ALDH1A2: variants seen among roughly 807,000 people sequenced by gnomAD.
ALDH1A2 encodes the protein aldehyde dehydrogenase 1 family member A2, also known as retinal dehydrogenase 2.
ALDH1A2 carries 27 observed loss-of-function variants against 60.3 expected under a neutral mutation model. The observed-to-expected ratio is 0.45, with a 90% confidence interval of 0.33 to 0.62. The LOEUF (loss-of-function observed/expected upper bound fraction) is 0.62, where lower values mean the gene tolerates loss of function less well. Ranked by LOEUF, ALDH1A2 falls within the 20% of genes least tolerant of loss-of-function variation. The probability of loss-of-function intolerance (pLI) is 0.02; values close to 1 mark genes in which losing one functional copy is unlikely to be tolerated. For synonymous variants in ALDH1A2, 289 were observed against 232.4 expected, an observed-to-expected ratio of 1.24 and a Z score of -2.21; for missense variants, 581 against 643.8, an observed-to-expected ratio of 0.90 and a Z score of 1.06.
intron 9 of ALDH1A2, among the ~76,000 whole-genome samples, chr15:57,962,875 T>C (rs1893773537): frequency 6.6e-6 from 1 of 152,220 alleles, no homozygotes. Flanking sequence ...ATATAAGAGC[T>C]GGTCCAGGTT....
At position 57,965,908 on chromosome 15, in the gene ALDH1A2, A is replaced by G. The variant is rs142591981; in HGVS notation, c.799-81T>C. On this transcript the variant is annotated intron_variant, in intron 7 of 12. Coordinates refer to ENST00000249750, the MANE Select transcript of ALDH1A2 (RefSeq NM_003888.4). ...CGGCCAATGCCAGCTCAGGGCATCA[A>G]TGGGATGCAACAGTAACAAACCCTA... The G allele has an allele frequency of 1.6e-3, 1,704 of 1,050,072 alleles. 1 individual carries two copies. The highest frequency in any genetic ancestry group is 2.1e-3 in the Non-Finnish European group (1,421 of 672,532). 65.0% of individuals were successfully genotyped at this position (1,050,072 alleles called of 1,614,324 possible).
At chr15:58,024,072 A>G (rs760284603) in intron 1 of ALDH1A2, among the ~76,000 whole-genome samples, 2 of 152,194 alleles carry the variant, frequency 1.3e-5, no homozygotes, top group Non-Finnish European at 2.9e-5. Flanking sequence ...CAGCCTGGGC[A>G]ACAAAAGCAA....
chr15:58,001,854 T>A (rs1895285838), intron 4 of ALDH1A2, among the ~76,000 whole-genome samples: 1 of 151,888 alleles, frequency 6.6e-6, no homozygotes, highest in South Asian at 2.1e-4. Flanking sequence ...AAGGACTGCA[T>A]TTGATGGGGA....
chr15:58,044,536 A>G (rs1467142916), intron 1 of ALDH1A2, among the ~76,000 whole-genome samples: 2 of 152,022 alleles, frequency 1.3e-5, no homozygotes, highest in African/African-American at 2.4e-5. Context: ...TCTTTCCCGA[A>G]AGCAAAATAT....
chr15:57,982,119 C>G (rs1163738633), intron 7 of ALDH1A2, among the ~76,000 whole-genome samples: 1 of 152,280 alleles, frequency 6.6e-6, no homozygotes, highest in East Asian at 1.9e-4. Context: ...TAGTGCCCAT[C>G]TCTCAACACT....
Position 57,958,214 on chromosome 15 carries a change from G to GCA in ALDH1A2, c.1484+2554_1484+2555dup, listed in dbSNP as rs113322985. Among the ~76,000 whole-genome samples the GCA allele has an allele frequency of 6.2e-4, 94 of 151,818 alleles. No individual in the cohort carries two copies. In the South Asian group the frequency reaches 9.6e-3, roughly 15 times the overall value. ...TCTGTATGCATGCGTGTACACGCACGCACACACACACATAAATTTGACAAG... is the reference window on the plus strand; with the variant it reads ...TCTGTATGCATGCGTGTACACGCACGCACACACACACACATAAATTTGACAAG... On this transcript the variant is annotated intron_variant, in intron 12 of 12. Transcript: ENST00000249750.
chr15:58,016,189 A>T (rs1324381179), intron 1 of ALDH1A2, among the ~76,000 whole-genome samples: 2 of 148,052 alleles, frequency 1.4e-5, no homozygotes, highest in African/African-American at 5.0e-5. Flanking sequence ...CACCCAGGCT[A>T]GAGTGCAGTG....
At position 57,961,238 on chromosome 15, in the gene ALDH1A2, T is replaced by C. The variant is rs557735275; in HGVS notation, c.1308A>G (p.Glu436=). 1 of 1,613,978 alleles carries C rather than the reference T, an allele frequency of 6.2e-7. No individual in the cohort carries two copies. Among genetic ancestry groups the C allele is most frequent in the Non-Finnish European group, 8.5e-7 (1 of 1,179,988 alleles). The change falls in exon 11 of 13, where the codon GAA becomes GAG. Residue 436 remains glutamate, a synonymous_variant. Transcript: ENST00000249750. ...GTCCAAAGTCTGAGTTATTGGCTCT[T>C]TCGATAACTTCATCCATCGTCTTAA... ...LRFKTMDEVI[E]RANNSDFGLV...
intron 1 of ALDH1A2, among the ~76,000 whole-genome samples, chr15:58,050,977 C>T (rs1263309309): frequency 6.6e-6 from 1 of 152,120 alleles, no homozygotes; most frequent in African/African-American, 2.4e-5. Flanking sequence ...GTGATTTCTC[C>T]ACAGGAGACT....
intron 4 of ALDH1A2, among the ~76,000 whole-genome samples, chr15:58,001,505 C>G (rs1029070473): frequency 7.2e-5 from 11 of 151,900 alleles, no homozygotes; most frequent in African/African-American, 2.7e-4. Context: ...GACTAAGCGC[C>G]TCTCTCCCTT....
chr15:57,969,219 C>T (rs758947931), intron 7 of ALDH1A2, among the ~76,000 whole-genome samples: 1 of 152,186 alleles, frequency 6.6e-6, no homozygotes, highest in African/African-American at 2.4e-5. Flanking sequence ...GCCAGGTACA[C>T]TGTTGGGCAT....
chr15:57,977,993 TTGTC>T (rs1566935412), intron 7 of ALDH1A2, among the ~76,000 whole-genome samples: 2 of 152,180 alleles, frequency 1.3e-5, no homozygotes, highest in South Asian at 2.1e-4. Flanking sequence ...ACTTGGTTGT[TTGTC>T]TATTATTGGT....
At chr15:57,980,470 G>T (rs1358054919) in intron 7 of ALDH1A2, 2 of 305,370 alleles carry the variant, frequency 6.5e-6, no homozygotes, top group Non-Finnish European at 1.4e-5. Context: ...GTATGCATAA[G>T]ATAATCCCGT....
intron 12 of ALDH1A2, 59 bp from the exon 13 acceptor site, chr15:57,955,328 G>A (rs1893483368): frequency 6.4e-7 from 1 of 1,566,098 alleles, no homozygotes; most frequent in Non-Finnish European, 8.8e-7. Flanking sequence ...GCATGTGAGT[G>A]CAGCGGGAGT....
intron 12 of ALDH1A2, among the ~76,000 whole-genome samples, chr15:57,959,771 A>G (rs1893660974): frequency 6.6e-6 from 1 of 152,116 alleles, no homozygotes; most frequent in Non-Finnish European, 1.5e-5. Context: ...GATTCTAGAA[A>G]CTGCTCTAAT....
In ALDH1A2 at chr15:57,974,389, C is replaced by T. The variant is rs376003689; in HGVS notation, c.799-8562G>A. ...CAGAGCTTGCAGTGAGCCAAGATCGCGCCACTGCACTCCAGCCTGGGTGAC... is the reference window on the plus strand; with the variant it reads ...CAGAGCTTGCAGTGAGCCAAGATCGTGCCACTGCACTCCAGCCTGGGTGAC... On this transcript the variant is annotated intron_variant, in intron 7 of 12. Coordinates refer to ENST00000249750, the MANE Select transcript of ALDH1A2 (RefSeq NM_003888.4). Among the ~76,000 whole-genome samples the T allele has an allele frequency of 2.1e-3, 308 of 145,046 alleles. 1 individual carries two copies. The highest frequency in any genetic ancestry group is 7.4e-3 in the African/African-American group (286 of 38,822).
chr15:58,039,524 G>C (rs1291519082), intron 1 of ALDH1A2, among the ~76,000 whole-genome samples: 3 of 151,770 alleles, frequency 2.0e-5, no homozygotes, highest in African/African-American at 7.2e-5. Context: ...AATTAAGGCA[G>C]GCTGAGACCA....
intron 7 of ALDH1A2, chr15:57,980,311 A>C: frequency 2.4e-6 from 1 of 416,910 alleles, no homozygotes; most frequent in Non-Finnish European, 4.9e-6. Flanking sequence ...TCCCACTCTC[A>C]AACAGGTTGT....
chr15:57,960,098 T>TCCCTG (rs752649966), intron 12 of ALDH1A2, among the ~76,000 whole-genome samples: 16 of 152,318 alleles, frequency 1.1e-4, no homozygotes, highest in Admixed American at 6.5e-4. Context: ...ATCTTCCCTA[T>TCCCTG]CCCTGAGCTC....
Sources: gnomAD v4.1 joint callset for allele counts (sites outside exome capture counted in the v4.1 genomes callset) on GRCh38, gnomAD v4.1.1 for gene constraint, MANE v1.5 for transcripts, NCBI Gene and HGNC (gene_info 2026-07-23, HGNC 2026-07-21) for gene names.